ZNF442: variants seen among roughly 807,000 people sequenced by gnomAD.
ZNF442 encodes zinc finger protein 442.
ZNF442 carries 45 observed loss-of-function variants against 57.0 expected under a neutral mutation model. The observed-to-expected ratio is 0.79, with a 90% CI of 0.62 to 1.01. ZNF442 has a LOEUF of 1.01. Among genes scored for constraint, ZNF442 ranks in the 50% least tolerant of loss-of-function variants. The pLI, the probability that ZNF442 is intolerant of heterozygous loss-of-function variation, is 0.00. For missense variants in ZNF442, 690 were observed against 756.5 expected, an observed-to-expected ratio of 0.91 and a Z score of 1.03; for synonymous variants, 213 against 241.8, an observed-to-expected ratio of 0.88 and a Z score of 1.10.
At chr19:12,369,868 T>C (rs1434435292), upstream of ZNF442, among the ~76,000 whole-genome samples, 1 of 150,858 alleles carries the variant, frequency 6.6e-6, no homozygotes, top group East Asian at 2.0e-4. Flanking sequence ...ATCGTGTCAC[T>C]GCACTCCAGC....
chr19:12,363,241 G>T (rs1295791430), intron 3 of ZNF442, among the ~76,000 whole-genome samples: 2 of 151,450 alleles, frequency 1.3e-5, no homozygotes, highest in African/African-American at 4.9e-5. Flanking sequence ...GGCCTCTATG[G>T]AAATACTTTC....
intron 3 of ZNF442, among the ~76,000 whole-genome samples, chr19:12,353,995 C>A (rs1408464308): frequency 6.6e-6 from 1 of 152,110 alleles, no homozygotes; most frequent in African/African-American, 2.4e-5. Flanking sequence ...AGATATCCAG[C>A]CTTGACTTTG....
At chr19:12,373,751 T>A in the ZNF442 span, 1 of 207,760 alleles carries the variant, frequency 4.8e-6, no homozygotes, top group Admixed American at 4.3e-5. Context: ...CTTCAAAGGG[T>A]TATCCAAAGC....
In ZNF442 at chr19:12,351,056, C is replaced by A; in HGVS notation, c.529G>T (p.Gly177Ter). 6.2e-7 allele frequency: 1 copy of A among 1,614,132 alleles called. No homozygotes were observed. Among genetic ancestry groups the A allele is most frequent in the South Asian group, 1.1e-5 (1 of 91,080 alleles). ...SFQTQERPHT[G>*]KKRYDCKECG... ...TCCTTACAATCATAGCGTTTCTTTC[C>A]AGTGTGAGGTCTTTCCTGTGTTTGA... Residue 177 changes from glycine (G) to a stop codon, truncating the protein, a stop_gained, in exon 6 of 6, where the codon GGA becomes TGA. Coordinates refer to ENST00000242804, the MANE Select transcript of ZNF442 (RefSeq NM_030824.3). LOFTEE classifies it high-confidence loss of function.
chr19:12,359,312 G>A (rs562056669), intron 3 of ZNF442, among the ~76,000 whole-genome samples: 2 of 152,238 alleles, frequency 1.3e-5, no homozygotes, highest in South Asian at 2.1e-4. Context: ...TAGTAAATAA[G>A]TAAGATGACA....
At chr19:12,363,173 A>G (rs1969467145) in intron 3 of ZNF442, among the ~76,000 whole-genome samples, 1 of 151,682 alleles carries the variant, frequency 6.6e-6, no homozygotes, top group Admixed American at 6.6e-5. Flanking sequence ...AAAAAAAAAA[A>G]AAAAAAAGGA....
upstream of ZNF442, among the ~76,000 whole-genome samples, chr19:12,370,245 T>C (rs541036604): frequency 2.9e-3 from 434 of 151,596 alleles, 4 homozygotes; most frequent in African/African-American, 0.01. Context: ...TGACAGATCT[T>C]CCAGAATCTC....
Position 12,349,761 on chromosome 19 carries a change from T to C in ZNF442, c.1824A>G (p.Ala608=). ...TATGCAAGGAACTGAGAGAACTCAG[T>C]GCCTTCCCACATTCCTTACATTCAT... is the stretch of plus-strand genomic sequence containing the variant. ...KMHECKECGK[A]LSSLSSLHRH... is the part of the protein sequence containing the mutation. Residue 608 remains alanine (A), a synonymous_variant, in exon 6 of 6, where the codon GCA becomes GCG. Coordinates refer to ENST00000242804, the MANE Select transcript of ZNF442 (RefSeq NM_030824.3). 1 of 1,614,196 alleles carries C rather than the reference T, an allele frequency of 6.2e-7. No homozygotes were observed.
intron 3 of ZNF442, among the ~76,000 whole-genome samples, chr19:12,354,781 A>C (rs1969299297): frequency 6.6e-6 from 1 of 152,226 alleles, no homozygotes; most frequent in Admixed American, 6.5e-5. Context: ...CAGTAAATAT[A>C]GTTTATCTTC....
rs374721624 is a variant in ZNF442 at position 12,348,924 on chromosome 19, TA to T, written c.*776del. ...ACTGTAGATTACAGGCTCATGCCTG[TA>T]ATCCCAGCACTTTGGGAGACCAAGG... On this transcript the variant is annotated 3_prime_UTR_variant, in exon 6 of 6. Transcript: ENST00000242804. 8 of 148,954 alleles carry T rather than the reference TA, an allele frequency of 5.4e-5. No individual in the cohort carries two copies. The highest frequency in any genetic ancestry group is 2.0e-4 in the African/African-American group (8 of 40,442). 9.2% of individuals were successfully genotyped at this position (148,954 alleles called of 1,614,324 possible).
At position 12,347,482 on chromosome 19, in the gene ZNF442, C is replaced by T. The variant is rs1568483890; in HGVS notation, c.*2219G>A. On this transcript the variant is annotated 3_prime_UTR_variant, in exon 6 of 6. Transcript: ENST00000242804. ...CTGCAAGGGAGGTTGGTGGGGAAAA[C>T]AATCTATGACATGCTTGAAGACTTT... is the stretch of plus-strand genomic sequence containing the variant. 6.6e-6 allele frequency: 1 copy of T among 152,208 alleles called. No individual in the cohort carries two copies. The allele number at this position is 152,208 out of a possible 1,614,324, so 9.4% of individuals were successfully genotyped here.
Position 12,350,182 on chromosome 19 carries a change from G to T in ZNF442, c.1403C>A (p.Ala468Asp). ...EKPYKCKCGK[A>D]FIDFYSFQNH... ...TTGAAAGGAATAGAAATCAATAAAG[G>T]CTTTCCCACATTTACATTTATAGGG... Residue 468 changes from alanine (A) to aspartate (D), a missense_variant, in exon 6 of 6, where the codon GCC (alanine) becomes GAC (aspartate). Physicochemically the swap from Ala to Asp is moderately radical, Grantham distance 126 (BLOSUM62 -2). Coordinates refer to ENST00000242804, the MANE Select transcript of ZNF442 (RefSeq NM_030824.3). The T allele has an allele frequency of 1.2e-6, 2 of 1,613,746 alleles. No individual in the cohort carries two copies. Among genetic ancestry groups the T allele is most frequent in the East Asian group, 2.2e-5 (1 of 44,806 alleles).
chr19:12,357,349 CTTTTTT>C (rs5827145), intron 3 of ZNF442, among the ~76,000 whole-genome samples: 4 of 95,348 alleles, frequency 4.2e-5, no homozygotes, highest in African/African-American at 8.5e-5. Flanking sequence ...CTTTTTCTTT[CTTTTTT>C]TTTTTTTTTT....
At chr19:12,357,899 C>T (rs942377715) in intron 3 of ZNF442, among the ~76,000 whole-genome samples, 2 of 151,972 alleles carry the variant, frequency 1.3e-5, no homozygotes, top group African/African-American at 4.8e-5. Context: ...CTCCACTGAC[C>T]ATCATTCCAC....
chr19:12,370,179 C>A (rs142860544), upstream of ZNF442, among the ~76,000 whole-genome samples: 2,428 of 151,246 alleles, frequency 0.016, 86 homozygotes, highest in African/African-American at 0.056. Flanking sequence ...TCAGTGGGAG[C>A]CCTGAGCTTG....
chr19:12,350,934 G>A lies in ZNF442; in HGVS notation c.651C>T (p.Ala217=). Residue 217 remains alanine, a synonymous_variant, in exon 6 of 6, where the codon GCC becomes GCT. Transcript: ENST00000242804. Reference sequence around the variant, plus strand: ...TACGAAATAAACTAGGCCAAAAAAAGGCTTTCCCACACAACTTACATATAT... The same window carrying A: ...TACGAAATAAACTAGGCCAAAAAAAAGCTTTCCCACACAACTTACATATAT... The part of the protein sequence containing the change: ...GPYICKLCGK[A]FFWPSLFRMH... 6.2e-7 allele frequency: 1 copy of A among 1,614,104 alleles called. No homozygotes were observed. The highest frequency in any genetic ancestry group is 8.5e-7 in the Non-Finnish European group (1 of 1,180,026).
intron 3 of ZNF442, among the ~76,000 whole-genome samples, chr19:12,357,391 G>A (rs1202327197): frequency 3.5e-5 from 4 of 114,700 alleles, no homozygotes; most frequent in South Asian, 2.8e-4. Flanking sequence ...TCGCTCTGCC[G>A]CCCAGGCTGG....
chr19:12,364,602 C>G (rs1969499785), intron 2 of ZNF442, among the ~76,000 whole-genome samples, 200 bp downstream of exon 2: 1 of 151,962 alleles, frequency 6.6e-6, no homozygotes, highest in Admixed American at 6.6e-5. Flanking sequence ...GTTACTACCA[C>G]CCCTAGGAGG....
intron 3 of ZNF442, among the ~76,000 whole-genome samples, chr19:12,353,548 A>C (rs1346309951): frequency 6.6e-6 from 1 of 152,228 alleles, no homozygotes; most frequent in Non-Finnish European, 1.5e-5. Flanking sequence ...CTCCACCAAC[A>C]TAACTAATAA....
Sources: gnomAD v4.1 joint callset for allele counts (sites outside exome capture counted in the v4.1 genomes callset) on GRCh38, gnomAD v4.1.1 for gene constraint, MANE v1.5 for transcripts, NCBI Gene and HGNC (gene_info 2026-07-23, HGNC 2026-07-21) for gene names.